The following PPAT variants were observed in gnomAD, a reference collection of about 807,000 sequenced individuals.
The protein encoded by PPAT is amidophosphoribosyltransferase.
A neutral mutation model predicts 60.2 loss-of-function variants in PPAT; 20 were observed. The observed-to-expected ratio is 0.33, with a 90% CI of 0.23 to 0.48. The LOEUF (loss-of-function observed/expected upper bound fraction) is 0.48. PPAT is among the 20% of genes least tolerant of loss of function. PPAT has a pLI of 0.99. For synonymous variants in PPAT, 194 were observed against 215.1 expected, an observed-to-expected ratio of 0.90 and a Z score of 0.86; for missense variants, 349 against 629.6, an observed-to-expected ratio of 0.55 and a Z score of 4.77.
At chr4:56,397,075 A>G (rs1715983612) in intron 9 of PPAT, among the ~76,000 whole-genome samples, 1 of 152,120 alleles carries the variant, frequency 6.6e-6, no homozygotes, top group African/African-American at 2.4e-5. Context: ...CTACTACAAC[A>G]GAGTTGTTTT....
At chr4:56,423,363 C>T (rs1717137462) in intron 1 of PPAT, 1 of 152,148 alleles carries the variant, frequency 6.6e-6, no homozygotes, top group South Asian at 2.1e-4. Context: ...TGGCACATGC[C>T]TATAATCCCA....
chr4:56,419,952 G>T, intron 1 of PPAT: 1 of 983,894 alleles, frequency 1.0e-6, no homozygotes. Flanking sequence ...TGCTATTCTG[G>T]GACCCAATAA....
intron 1 of PPAT, among the ~76,000 whole-genome samples, chr4:56,424,081 T>G (rs140325323): frequency 1.2e-4 from 19 of 152,364 alleles, no homozygotes; most frequent in African/African-American, 3.4e-4. Flanking sequence ...TGTATTTCAC[T>G]GATGAATTTT....
intron 6 of PPAT, among the ~76,000 whole-genome samples, chr4:56,401,836 A>G (rs1170518091): frequency 6.6e-6 from 1 of 152,132 alleles, no homozygotes; most frequent in Non-Finnish European, 1.5e-5. Context: ...CTATTTTCAT[A>G]TTGTACTGTA....
At chr4:56,423,095 G>A (rs1393696989) in intron 1 of PPAT, 5 of 152,330 alleles carry the variant, frequency 3.3e-5, no homozygotes, top group South Asian at 2.1e-4. Context: ...CTGGGGAGGA[G>A]GAGATCACCA....
Position 56,406,516 on chromosome 4 carries a change from A to T in PPAT, c.381T>A (p.Asn127Lys), listed in dbSNP as rs1314150140. Reference protein sequence around the residue: ...IAVAHNGELVNAARLRKKLLR... With the variant: ...IAVAHNGELVKAARLRKKLLR... ...GTACCTTTTTCCTTAATCGAGCAGC[A>T]TTTACCAATTCGCCATTATGTGCCA... The change falls in exon 3 of 11, where the codon AAT (asparagine) becomes AAA (lysine). Residue 127 changes from asparagine (N) to lysine (K), a missense_variant. Asn to Lys is a moderately conservative substitution (Grantham distance 94, BLOSUM62 0). This residue lies in a region of PPAT where 115 missense variants were observed against 174.5 expected (regional missense o/e 0.66). Coordinates refer to ENST00000264220, the MANE Select transcript of PPAT (RefSeq NM_002703.5). 1 of 1,612,186 alleles carries T rather than the reference A, an allele frequency of 6.2e-7. No individual in the cohort carries two copies. Among genetic ancestry groups the T allele is most frequent in the Non-Finnish European group, 8.5e-7 (1 of 1,179,894 alleles).
At chr4:56,427,182 T>G (rs186902937) in intron 1 of PPAT, among the ~76,000 whole-genome samples, 23 of 152,374 alleles carry the variant, frequency 1.5e-4, no homozygotes, top group Non-Finnish European at 2.6e-4. Context: ...AACTCTGCTA[T>G]GAATGTGGAT....
At chr4:56,407,305 C>T (rs1716264884) in intron 2 of PPAT, among the ~76,000 whole-genome samples, 1 of 151,904 alleles carries the variant, frequency 6.6e-6, no homozygotes, top group African/African-American at 2.4e-5. Flanking sequence ...TCTTTGTCAT[C>T]CCATTTCTTT....
At chr4:56,412,832 C>G (rs897876406) in intron 1 of PPAT, among the ~76,000 whole-genome samples, 1 of 152,186 alleles carries the variant, frequency 6.6e-6, no homozygotes, top group Non-Finnish European at 1.5e-5. Flanking sequence ...TTTTCACCCT[C>G]TTCCCATATA....
At chr4:56,418,242 G>A (rs895353350) in intron 1 of PPAT, among the ~76,000 whole-genome samples, 1 of 152,178 alleles carries the variant, frequency 6.6e-6, no homozygotes, top group African/African-American at 2.4e-5. Context: ...GGTTCAGGCT[G>A]CAATGAGCAG....
chr4:56,417,958 G>C lies in PPAT; in HGVS notation c.129-10242C>G, dbSNP rs1359098487. ...AGGTTCAAGCGATTCTCCTGCCTCAGCCTCCTGAGTAGCTGGGATTACAGG... is the reference window on the plus strand; with the variant it reads ...AGGTTCAAGCGATTCTCCTGCCTCACCCTCCTGAGTAGCTGGGATTACAGG... On this transcript the variant is annotated intron_variant, in intron 1 of 10. Transcript: ENST00000264220. Among the ~76,000 whole-genome samples, 3 of 151,042 alleles carry C rather than the reference G, an allele frequency of 2.0e-5. No individual in the cohort carries two copies. The South Asian group carries it at 6.3e-4, about 32-fold the overall frequency.
chr4:56,419,719 T>C lies in PPAT; in HGVS notation c.129-12003A>G, dbSNP rs561467626. On this transcript the variant is annotated intron_variant, in intron 1 of 10. Transcript: ENST00000264220. Reference sequence around the variant, plus strand: ...ACTGTGCCAGAAGTCAGGGCTCTAATAGACATCTGGTCTGATAAAAGCATA... The same window carrying C: ...ACTGTGCCAGAAGTCAGGGCTCTAACAGACATCTGGTCTGATAAAAGCATA... 3.0e-5 allele frequency: 29 copies of C among 981,654 alleles called. No individual in the cohort carries two copies. The African/African-American group carries it at 3.8e-4, about 13-fold the overall frequency. The allele number at this position is 981,654 out of a possible 1,614,324, so 60.8% of individuals were successfully genotyped here.
rs1490786574 is a variant in PPAT at position 56,393,397 on chromosome 4, G to C, written c.*1955C>G. 2.0e-5 allele frequency: 3 copies of C among 150,626 alleles called. No homozygotes were observed. The highest frequency in any genetic ancestry group is 1.9e-4 in the East Asian group (1 of 5,162). 9.3% of individuals were successfully genotyped at this position (150,626 alleles called of 1,614,324 possible). A position where few individuals can be genotyped will look rare whatever the true frequency, so the allele number is the denominator to read the frequency against. ...CTTATTACACATATTTATCAACAAG[G>C]CATCACAAATAAGTCACAAAAAGTA... On this transcript the variant is annotated 3_prime_UTR_variant, in exon 11 of 11. Transcript: ENST00000264220.
intron 9 of PPAT, among the ~76,000 whole-genome samples, chr4:56,397,311 C>G (rs1292644954): frequency 6.6e-6 from 1 of 152,038 alleles, no homozygotes; most frequent in African/African-American, 2.4e-5. Flanking sequence ...TGACTTTATT[C>G]TTTTTCACTA....
chr4:56,407,616 T>G, intron 2 of PPAT, 34 bp downstream of exon 2: 2 of 1,534,532 alleles, frequency 1.3e-6, no homozygotes, highest in Non-Finnish European at 1.8e-6. Context: ...CCGCACTTGG[T>G]CTGTCATCAA....
intron 1 of PPAT, chr4:56,410,554 G>A (rs1578120881): frequency 4.1e-6 from 4 of 986,588 alleles, no homozygotes; most frequent in African/African-American, 3.5e-5. Context: ...CTGAGGAGGA[G>A]GTTAAAGCTT....
At chr4:56,412,206 G>A (rs910721654) in intron 1 of PPAT, among the ~76,000 whole-genome samples, 2 of 151,816 alleles carry the variant, frequency 1.3e-5, no homozygotes, top group Admixed American at 6.6e-5. Context: ...AAACTCCTTC[G>A]TTTTCACTCA....
intron 1 of PPAT, among the ~76,000 whole-genome samples, chr4:56,434,222 A>C (rs1017550450): frequency 3.9e-5 from 6 of 152,232 alleles, no homozygotes; most frequent in African/African-American, 1.4e-4. Flanking sequence ...AACACACAAA[A>C]TGTGAAACTG....
chr4:56,407,841 T>TA (rs1292148258), intron 1 of PPAT, 125 bp from the exon 2 acceptor site: 9 of 712,456 alleles, frequency 1.3e-5, no homozygotes, highest in Non-Finnish European at 2.3e-5. Context: ...TAAATGCTAC[T>TA]TGTACTAGCA....
Sources: gnomAD v4.1 joint callset for allele counts (sites outside exome capture counted in the v4.1 genomes callset) on GRCh38, gnomAD v4.1.1 for gene constraint, gnomAD v4.1.1 regional missense constraint, MANE v1.5 for transcripts, NCBI Gene and HGNC (gene_info 2026-07-23, HGNC 2026-07-21) for gene names.